Variants in LMX1B observed in about 807,000 individuals in gnomAD.
LMX1B encodes the protein LIM homeobox transcription factor 1 beta.
Under a neutral mutation model 51.4 loss-of-function variants are expected in LMX1B, and 12 were observed. That is an observed-to-expected ratio of 0.23 (90% CI 0.15 to 0.38). The LOEUF (loss-of-function observed/expected upper bound fraction) is 0.38. Among genes scored for constraint, LMX1B ranks in the 10% least tolerant of loss-of-function variants. The pLI is 1.00. For synonymous variants in LMX1B, 237 were observed against 235.4 expected (o/e 1.01, Z -0.06); for missense variants, 445 against 571.1 (o/e 0.78, Z 2.25).
chr9:126,617,040 C>T (rs556024437), intron 2 of LMX1B, among the ~76,000 whole-genome samples: 6 of 152,344 alleles, frequency 3.9e-5, no homozygotes, highest in East Asian at 1.9e-4. Flanking sequence ...TGCCGTAGGT[C>T]GGCTTTGTGC....
intron 2 of LMX1B, among the ~76,000 whole-genome samples, chr9:126,666,054 G>A (rs1588290246): frequency 1.3e-5 from 2 of 152,382 alleles, no homozygotes; most frequent in South Asian, 4.1e-4. Context: ...TCTGCCCTGC[G>A]CCTCAGTAAC....
chr9:126,687,196 A>G (rs532076004), intron 2 of LMX1B, among the ~76,000 whole-genome samples: 1 of 151,416 alleles, frequency 6.6e-6, no homozygotes, highest in Non-Finnish European at 1.5e-5. Flanking sequence ...CAACAACCCC[A>G]TGGTCGGGGA....
chr9:126,648,979 T>TA (rs1383889426), intron 2 of LMX1B, among the ~76,000 whole-genome samples: 6 of 152,020 alleles, frequency 3.9e-5, no homozygotes, highest in African/African-American at 1.2e-4. Flanking sequence ...TCATGGTCCT[T>TA]ACACCCGCCC....
intron 2 of LMX1B, among the ~76,000 whole-genome samples, chr9:126,652,835 C>G (rs1836047008): frequency 6.6e-6 from 1 of 152,158 alleles, no homozygotes; most frequent in Non-Finnish European, 1.5e-5. Context: ...CACTTGTGGG[C>G]ACAGCAGGGA....
intron 2 of LMX1B, among the ~76,000 whole-genome samples, chr9:126,640,340 A>G (rs1441596492): frequency 1.3e-5 from 2 of 152,070 alleles, no homozygotes; most frequent in African/African-American, 2.4e-5. Flanking sequence ...AGGCCTTGGT[A>G]TGGGACCCCT....
intron 2 of LMX1B, among the ~76,000 whole-genome samples, chr9:126,678,343 A>G (rs1305417658): frequency 6.6e-6 from 1 of 150,414 alleles, no homozygotes; most frequent in African/African-American, 2.5e-5. Flanking sequence ...AAAAAAAAAC[A>G]AAAAGACTGC....
At chr9:126,646,891 G>C (rs1242911407) in intron 2 of LMX1B, among the ~76,000 whole-genome samples, 1 of 150,072 alleles carries the variant, frequency 6.7e-6, no homozygotes, top group African/African-American at 2.4e-5. Flanking sequence ...GTCTAACAAG[G>C]GGGTAGGGGG....
At chr9:126,617,877 C>G (rs997133653) in intron 2 of LMX1B, among the ~76,000 whole-genome samples, 6 of 121,936 alleles carry the variant, frequency 4.9e-5, no homozygotes, top group African/African-American at 2.0e-4. Context: ...AATTAGGTAT[C>G]TGCGTTAGGC....
At chr9:126,632,743 C>G (rs1026441331) in intron 2 of LMX1B, among the ~76,000 whole-genome samples, 20 of 152,168 alleles carry the variant, frequency 1.3e-4, no homozygotes, top group African/African-American at 4.8e-4. Flanking sequence ...AGCTGCCTGG[C>G]TAAGGCCTTG....
At position 126,625,623 on chromosome 9, in the gene LMX1B, T is replaced by G. The variant is rs944549790; in HGVS notation, c.326+10054T>G. On this transcript the variant is annotated intron_variant, in intron 2 of 7. Coordinates refer to ENST00000373474, the MANE Select transcript of LMX1B (RefSeq NM_001174147.2). This position sits in a 1 kb window ranked among gnomAD's most constrained non-coding sequence, Gnocchi z 5.3. ...ATTCCCGGCTGCATGCTCGGCCCCT[T>G]TCTTCCGAGGGTGAATTCCTTTGTT... is the stretch of plus-strand genomic sequence containing the variant. Among the ~76,000 whole-genome samples the G allele has an allele frequency of 6.6e-6, 1 of 152,160 alleles. No individual in the cohort carries two copies. The highest frequency in any genetic ancestry group is 2.4e-5 in the African/African-American group (1 of 41,424).
intron 2 of LMX1B, among the ~76,000 whole-genome samples, chr9:126,627,934 C>G (rs1445056752): frequency 1.3e-5 from 2 of 152,228 alleles, no homozygotes; most frequent in Admixed American, 1.3e-4. Flanking sequence ...CCTACTCTGT[C>G]TTCCCTGGGC....
Position 126,614,179 on chromosome 9 carries a change from G to A in LMX1B, c.-271G>A, listed in dbSNP as rs1835251185. 6.9e-6 allele frequency among the ~76,000 whole-genome samples: 1 copy of A among 145,652 alleles called. No individual in the cohort carries two copies. Among genetic ancestry groups the A allele is most frequent in the African/African-American group, 2.5e-5 (1 of 40,676 alleles). On this transcript the variant is annotated 5_prime_UTR_variant, in exon 1 of 8. Coordinates refer to ENST00000373474, the MANE Select transcript of LMX1B (RefSeq NM_001174147.2). ...CAGCAGCCGCCGCCGCCGGGTTCCG[G>A]GACTGACAAGCAGGTGACAGAGGAG...
At chr9:126,681,173 T>A (rs1836663259) in intron 2 of LMX1B, among the ~76,000 whole-genome samples, 1 of 152,158 alleles carries the variant, frequency 6.6e-6, no homozygotes. Context: ...AGTGTATCTG[T>A]GTGATTGTAT....
At chr9:126,653,666 A>G (rs1204799840) in intron 2 of LMX1B, among the ~76,000 whole-genome samples, 1 of 152,034 alleles carries the variant, frequency 6.6e-6, no homozygotes, top group Non-Finnish European at 1.5e-5. Context: ...CTCTGTGCCA[A>G]TTTATCACAT....
intron 2 of LMX1B, among the ~76,000 whole-genome samples, chr9:126,675,865 C>T (rs1299783720): frequency 2.7e-5 from 4 of 150,594 alleles, no homozygotes; most frequent in Admixed American, 6.6e-5. Flanking sequence ...CTGGCTAACA[C>T]GGTGAAACCC....
intron 2 of LMX1B, among the ~76,000 whole-genome samples, chr9:126,681,012 C>T (rs1190147621): frequency 2.6e-5 from 4 of 152,094 alleles, no homozygotes; most frequent in African/African-American, 9.7e-5. Context: ...CAGGAGGGCT[C>T]CTGCCTGTCA....
rs1835291679 is a variant in LMX1B, at chr9:126,615,715, C to T, written c.326+146C>T. 5.5e-6 allele frequency: 4 copies of T among 728,284 alleles called. No homozygotes were observed. In the East Asian group the frequency reaches 1.3e-4, roughly 24 times the overall value. 45.1% of individuals were successfully genotyped at this position (728,284 alleles called of 1,614,324 possible). ...TCCAAGGGTTCCGAGAGCTGCGCGT[C>T]TTGGGGCTGGGGCGGACCAGCCCAG... is the stretch of plus-strand genomic sequence containing the variant. On this transcript the variant is annotated intron_variant, in intron 2 of 7. Coordinates refer to ENST00000373474, the MANE Select transcript of LMX1B (RefSeq NM_001174147.2). This position sits in a 1 kb window ranked among gnomAD's most constrained non-coding sequence, Gnocchi z 6.0.
intron 2 of LMX1B, among the ~76,000 whole-genome samples, chr9:126,633,577 G>A (rs906599981): frequency 1.1e-4 from 16 of 152,112 alleles, no homozygotes; most frequent in African/African-American, 3.9e-4. Context: ...TCGGGACATG[G>A]GGGCCAGGCT....
chr9:126,614,334 C>T lies in LMX1B; in HGVS notation c.-116C>T, dbSNP rs1354953294. 2 of 694,666 alleles carry T rather than the reference C, an allele frequency of 2.9e-6. No homozygotes were observed. Among genetic ancestry groups the T allele is most frequent in the African/African-American group, 2.0e-5 (1 of 50,952 alleles). The allele number at this position is 694,666 out of a possible 1,614,324, so 43.0% of individuals were successfully genotyped here. On this transcript the variant is annotated 5_prime_UTR_variant, in exon 1 of 8. Transcript: ENST00000373474. ...ACGATCGCCGGGGGCCGGCGCAACCCCTGCCCTGCGGGGGCCGCGCCTCCC... is the reference window on the plus strand; with the variant it reads ...ACGATCGCCGGGGGCCGGCGCAACCTCTGCCCTGCGGGGGCCGCGCCTCCC...
Sources: gnomAD v4.1 joint callset for allele counts (sites outside exome capture counted in the v4.1 genomes callset) on GRCh38, gnomAD v4.1.1 for gene constraint, Gnocchi (gnomAD v3.1) non-coding constraint, MANE v1.5 for transcripts, NCBI Gene and HGNC (gene_info 2026-07-23, HGNC 2026-07-21) for gene names.